Variants in LRRIQ1 observed in about 807,000 individuals in gnomAD.
LRRIQ1 encodes the protein leucine-rich repeat- and IQ domain-containing protein 1.
In LRRIQ1, 210 loss-of-function variants were observed where a neutral mutation model predicts 211.9. That is an observed-to-expected ratio of 0.99 (90% CI 0.89 to 1.11). The LOEUF (loss-of-function observed/expected upper bound fraction) is 1.11. Ranked by LOEUF, LRRIQ1 falls within the 50% of genes most tolerant of loss-of-function variation. The pLI, the probability that LRRIQ1 is intolerant of heterozygous loss-of-function variation, is 0.00. For missense variants in LRRIQ1, 2,136 were observed against 1,939.5 expected, an observed-to-expected ratio of 1.10 and a Z score of -1.90; for synonymous variants, 699 against 650.1, an observed-to-expected ratio of 1.08 and a Z score of -1.14.
In LRRIQ1 at chr12:85,217,466, GTATATATATATATATATATATATATGTA is replaced by G. The variant is rs1258651603; in HGVS notation, c.4823-12035_4823-12008del. Reference sequence around the variant, plus strand: ...CCTTTAGATAGAGCAGGGACCTGAAGTATATATATATATATATATATATATGTATATATATATATATATGTGTGTGTGT... The same window carrying G: ...CCTTTAGATAGAGCAGGGACCTGAAGTATATATATATATATGTGTGTGTGT... On this transcript the variant is annotated intron_variant, in intron 24 of 26. Coordinates refer to ENST00000393217, the MANE Select transcript of LRRIQ1 (RefSeq NM_001079910.2). Among the ~76,000 whole-genome samples, 4 of 67,028 alleles carry G rather than the reference GTATATATATATATATATATATATATGTA, an allele frequency of 6.0e-5. No homozygotes were observed. In the Admixed American group the frequency reaches 7.3e-4, roughly 12 times the overall value. The allele number at this position is 67,028 out of a possible 152,430, so 44.0% of individuals were successfully genotyped here.
intron 24 of LRRIQ1, among the ~76,000 whole-genome samples, chr12:85,187,555 C>T (rs893790610): frequency 2.6e-5 from 4 of 151,834 alleles, no homozygotes; most frequent in Admixed American, 6.6e-5. Flanking sequence ...GCCTGTAATC[C>T]CAGCACTTTG....
At chr12:85,235,597 G>A (rs1895138318) in intron 26 of LRRIQ1, among the ~76,000 whole-genome samples, 1 of 152,146 alleles carries the variant, frequency 6.6e-6, no homozygotes, top group African/African-American at 2.4e-5. Flanking sequence ...TTCAGCGAAG[G>A]ATAATTTCCA....
At chr12:85,163,040 T>C (rs181889536) in intron 24 of LRRIQ1, among the ~76,000 whole-genome samples, 12 of 152,288 alleles carry the variant, frequency 7.9e-5, no homozygotes, top group East Asian at 7.7e-4. Context: ...GAACCCCATG[T>C]TGTCTTTAAC....
Position 85,055,574 on chromosome 12 carries a change from A to G in LRRIQ1, c.781A>G (p.Met261Val). Residue 261 changes from methionine (M) to valine (V), a missense_variant, in exon 8 of 27, where the codon ATG becomes GTG. Physicochemically the swap from Met to Val is conservative, Grantham distance 21. Transcript: ENST00000393217. The part of the protein sequence containing the change: ...EEYIRNLHLQ[M>V]EEERTRFKDQ... ...GTATATTAGAAACTTGCATTTACAA[A>G]TGGAAGAAGAAAGAACAAGATTTAA... The G allele has an allele frequency of 6.5e-7, 1 of 1,545,174 alleles. No individual in the cohort carries two copies. Among genetic ancestry groups the G allele is most frequent in the Non-Finnish European group, 8.7e-7 (1 of 1,153,538 alleles).
chr12:85,238,159 A>G (rs1265837193), intron 26 of LRRIQ1, among the ~76,000 whole-genome samples: 8 of 152,072 alleles, frequency 5.3e-5, no homozygotes, highest in Admixed American at 4.6e-4. Flanking sequence ...TTAATAAATT[A>G]GACATTGGGA....
In LRRIQ1 at chr12:85,040,552, A is replaced by G; in HGVS notation, c.195A>G (p.Lys65=). 6.3e-7 allele frequency: 1 copy of G among 1,599,950 alleles called. No homozygotes were observed. The highest frequency in any genetic ancestry group is 8.5e-7 in the Non-Finnish European group (1 of 1,172,140). Residue 65 remains lysine (K), a synonymous_variant, in exon 3 of 27, where the codon AAA becomes AAG. Transcript: ENST00000393217. ...TTAACATCATAAAGAACAGGAGTAA[A>G]GCTGTTGAAGAGCTCATTCTTCAGG... ...HCINIIKNRS[K]AVEELILQDL... is the part of the protein sequence containing the mutation.
At chr12:85,259,658 A>G (rs932600739) in intron 1 of LRRIQ1, among the ~76,000 whole-genome samples, 4 of 152,134 alleles carry the variant, frequency 2.6e-5, no homozygotes, top group Admixed American at 2.6e-4. Context: ...AAAACATTAT[A>G]TATTCACTTA....
At chr12:85,207,347 T>G (rs899857297) in intron 24 of LRRIQ1, among the ~76,000 whole-genome samples, 2 of 152,104 alleles carry the variant, frequency 1.3e-5, no homozygotes, top group Non-Finnish European at 2.9e-5. Flanking sequence ...CCTCCTACTT[T>G]CATATGGTTG....
Position 85,107,187 on chromosome 12 carries a change from AT to A in LRRIQ1, c.3377+575del, listed in dbSNP as rs1451374668. Among the ~76,000 whole-genome samples, 4 of 152,086 alleles carry A rather than the reference AT, an allele frequency of 2.6e-5. 1 individual carries two copies. The highest frequency in any genetic ancestry group is 1.3e-4 in the Admixed American group (2 of 15,262). ...ACACTTCTAATAATATACTAACACG[AT>A]TTCCCCCAAATTGACCACCATCTTT... is the stretch of plus-strand genomic sequence containing the variant. On this transcript the variant is annotated intron_variant, in intron 15 of 26. Transcript: ENST00000393217.
At chr12:85,065,510 C>A in intron 9 of LRRIQ1, 96 bp downstream of exon 9, 2 of 969,456 alleles carry the variant, frequency 2.1e-6, no homozygotes, top group Non-Finnish European at 2.8e-6. Flanking sequence ...GAAACAATTA[C>A]TAAACTAACC....
downstream of LRRIQ1, among the ~76,000 whole-genome samples, chr12:85,249,681 A>G (rs1468312787): frequency 1.3e-5 from 2 of 151,878 alleles, no homozygotes; most frequent in African/African-American, 2.4e-5. Flanking sequence ...CTACTCTCCT[A>G]TATCATGTGT....
intron 23 of LRRIQ1, among the ~76,000 whole-genome samples, chr12:85,157,885 A>T (rs1890642530): frequency 6.6e-6 from 1 of 151,838 alleles, no homozygotes; most frequent in Non-Finnish European, 1.5e-5. Context: ...AAAAAGGCTA[A>T]TTTTTTATGT....
intron 11 of LRRIQ1, among the ~76,000 whole-genome samples, chr12:85,089,324 T>C (rs1045951588): frequency 1.3e-5 from 2 of 152,176 alleles, no homozygotes; most frequent in Non-Finnish European, 2.9e-5. Flanking sequence ...GCTATAAAGA[T>C]ACCTAAAAAT....
intron 19 of LRRIQ1, among the ~76,000 whole-genome samples, chr12:85,141,063 C>A (rs999824079): frequency 6.6e-6 from 1 of 151,136 alleles, no homozygotes; most frequent in Admixed American, 6.6e-5. Flanking sequence ...GTTTTAGTAT[C>A]GTATTATGTT....
At chr12:85,125,926 A>T (rs1166695403) in intron 17 of LRRIQ1, among the ~76,000 whole-genome samples, 1 of 152,186 alleles carries the variant, frequency 6.6e-6, no homozygotes, top group African/African-American at 2.4e-5. Flanking sequence ...GGGAAAGAAA[A>T]TGTATACCCG....
chr12:85,236,395 C>T (rs1453712939), intron 26 of LRRIQ1, among the ~76,000 whole-genome samples: 1 of 151,866 alleles, frequency 6.6e-6, no homozygotes, highest in Non-Finnish European at 1.5e-5. Context: ...TTCAGGTAAC[C>T]CAATGAATAC....
intron 16 of LRRIQ1, 148 bp from the exon 17 acceptor site, chr12:85,123,922 A>G (rs910154763): frequency 2.6e-5 from 16 of 608,152 alleles, no homozygotes; most frequent in Non-Finnish European, 3.4e-5. Flanking sequence ...CAATTTTTAT[A>G]TAAACAACTA....
intron 26 of LRRIQ1, among the ~76,000 whole-genome samples, chr12:85,243,411 T>A (rs1346175673): frequency 6.7e-6 from 1 of 149,200 alleles, no homozygotes. Context: ...TTGGAAACGA[T>A]TTTTATTTAT....
chr12:85,040,711 G>A (rs1878776708), intron 3 of LRRIQ1, 110 bp downstream of exon 3: 2 of 540,900 alleles, frequency 3.7e-6, no homozygotes, highest in African/African-American at 1.9e-5. Context: ...GTGCACATGT[G>A]TATACATTTA....
Sources: gnomAD v4.1 joint callset for allele counts (sites outside exome capture counted in the v4.1 genomes callset) on GRCh38, gnomAD v4.1.1 for gene constraint, MANE v1.5 for transcripts, NCBI Gene and HGNC (gene_info 2026-07-23, HGNC 2026-07-21) for gene names.